GADL1: variants seen among roughly 807,000 people sequenced by gnomAD.
GADL1 encodes the protein acidic amino acid decarboxylase GADL1.
A neutral mutation model predicts 69.5 loss-of-function variants in GADL1; 71 were observed. The observed-to-expected ratio is 1.02, with a 90% CI of 0.84 to 1.25. GADL1 has a LOEUF of 1.25. Among genes scored for constraint, GADL1 ranks in the 50% most tolerant of loss-of-function variants. GADL1 has a pLI of 0.00. For synonymous variants in GADL1, 254 were observed against 214.4 expected (o/e 1.18, Z -1.62); for missense variants, 737 against 631.8 (o/e 1.17, Z -1.79).
intron 14 of GADL1, among the ~76,000 whole-genome samples, chr3:30,754,570 T>C (rs555164062): frequency 3.0e-4 from 45 of 152,170 alleles, no homozygotes; most frequent in Non-Finnish European, 5.9e-5. Context: ...ATTACCTCAA[T>C]GGCTAAATAT....
At chr3:30,755,994 C>T (rs1187074414) in intron 14 of GADL1, among the ~76,000 whole-genome samples, 1 of 152,060 alleles carries the variant, frequency 6.6e-6, no homozygotes, top group Admixed American at 6.5e-5. Context: ...CTTGATAGTT[C>T]ACACAGTCAC....
intron 14 of GADL1, among the ~76,000 whole-genome samples, chr3:30,774,425 A>G (rs985044442): frequency 6.6e-6 from 1 of 152,214 alleles, no homozygotes; most frequent in Non-Finnish European, 1.5e-5. Context: ...AAGCAAGGGA[A>G]AAATGATTTC....
chr3:30,868,719 A>G (rs764045930), intron 1 of GADL1, among the ~76,000 whole-genome samples: 6 of 151,956 alleles, frequency 3.9e-5, no homozygotes, highest in Non-Finnish European at 8.8e-5. Flanking sequence ...AGAAGTCATA[A>G]TTAGCAGTCT....
intron 12 of GADL1, among the ~76,000 whole-genome samples, chr3:30,792,175 C>A (rs1238651880): frequency 2.0e-5 from 3 of 152,304 alleles, no homozygotes; most frequent in African/African-American, 7.2e-5. Flanking sequence ...AAACTGTGAT[C>A]CGTGGTATAC....
intron 3 of GADL1, among the ~76,000 whole-genome samples, chr3:30,855,148 C>A (rs906063576): frequency 4.6e-5 from 7 of 151,908 alleles, no homozygotes; most frequent in Non-Finnish European, 1.0e-4. Flanking sequence ...ATAAATTATA[C>A]CTCATTCTAA....
At chr3:30,812,053 T>G (rs1449057113) in intron 11 of GADL1, among the ~76,000 whole-genome samples, 1 of 152,200 alleles carries the variant, frequency 6.6e-6, no homozygotes, top group Admixed American at 6.5e-5. Flanking sequence ...TCTGATAACA[T>G]AAACCAGGGT....
intron 1 of GADL1, among the ~76,000 whole-genome samples, chr3:30,866,378 G>T (rs1158974994): frequency 1.3e-5 from 2 of 152,038 alleles, no homozygotes; most frequent in Non-Finnish European, 2.9e-5. Flanking sequence ...AGAATCAGTT[G>T]AACCTGGGAG....
intron 6 of GADL1, among the ~76,000 whole-genome samples, chr3:30,848,253 G>A (rs1305961934): frequency 6.6e-6 from 1 of 152,106 alleles, no homozygotes; most frequent in Admixed American, 6.5e-5. Flanking sequence ...CAAGAGCCTC[G>A]AATGGCTGAG....
intron 14 of GADL1, among the ~76,000 whole-genome samples, chr3:30,769,823 C>T (rs1575195856): frequency 6.7e-6 from 1 of 149,780 alleles, no homozygotes; most frequent in South Asian, 2.1e-4. Context: ...ATCCCTCAGT[C>T]GATAGTGGGC....
chr3:30,786,039 C>T (rs1347095143), intron 13 of GADL1, among the ~76,000 whole-genome samples: 1 of 152,152 alleles, frequency 6.6e-6, no homozygotes, highest in African/African-American at 2.4e-5. Flanking sequence ...ACCACTACAT[C>T]ACAGATGAAT....
intron 1 of GADL1, among the ~76,000 whole-genome samples, chr3:30,885,971 G>A (rs555427081): frequency 1.3e-5 from 2 of 152,018 alleles, no homozygotes; most frequent in South Asian, 4.2e-4. Context: ...ACTATTGGCA[G>A]AGAAAAGAAA....
chr3:30,864,468 A>T (rs1698367070), intron 1 of GADL1, among the ~76,000 whole-genome samples: 1 of 152,028 alleles, frequency 6.6e-6, no homozygotes, highest in South Asian at 2.1e-4. Flanking sequence ...CACTGTCTTC[A>T]CACCAATGAA....
At chr3:30,795,591 A>G (rs931135005) in intron 12 of GADL1, among the ~76,000 whole-genome samples, 2 of 152,202 alleles carry the variant, frequency 1.3e-5, no homozygotes, top group Non-Finnish European at 2.9e-5. Context: ...AGACCCCAGA[A>G]TTGAGAAAAA....
chr3:30,894,641 C>T lies in GADL1; in HGVS notation c.-27G>A. 2 of 1,548,592 alleles carry T rather than the reference C, an allele frequency of 1.3e-6. No individual in the cohort carries two copies. The highest frequency in any genetic ancestry group is 1.4e-5 in the African/African-American group (1 of 73,032). Reference sequence around the variant, plus strand: ...TCCGCTCCCCCACTCCAGGCTGCCCCGGGCGCGGCTCCCGCAGTCTGGGCG... The same window carrying T: ...TCCGCTCCCCCACTCCAGGCTGCCCTGGGCGCGGCTCCCGCAGTCTGGGCG... On this transcript the variant is annotated 5_prime_UTR_variant, in exon 1 of 15. Transcript: ENST00000282538.
At chr3:30,741,050 T>A (rs1397292500) in intron 14 of GADL1, among the ~76,000 whole-genome samples, 1 of 118,552 alleles carries the variant, frequency 8.4e-6, no homozygotes, top group Non-Finnish European at 1.6e-5. Context: ...ATTTGATATA[T>A]CAGATATATA....
At chr3:30,859,020 C>T (rs944492494) in intron 2 of GADL1, among the ~76,000 whole-genome samples, 25 of 151,946 alleles carry the variant, frequency 1.6e-4, no homozygotes, top group African/African-American at 7.2e-5. Flanking sequence ...ATTAGATAGA[C>T]TTGAAGTGCT....
rs1157799 is a variant in GADL1 at position 30,778,273 on chromosome 3, G to C, written c.1303-5C>G. 3 of 1,569,594 alleles carry C rather than the reference G, an allele frequency of 1.9e-6. No homozygotes were observed. The highest frequency in any genetic ancestry group is 2.6e-6 in the Non-Finnish European group (3 of 1,143,708). ...GCAAATATTGGCATATTCAGGCTGA[G>C]AATTAGAAAAAATATAAAGTTGTTA... On this transcript the variant is annotated splice_region_variant and splice_polypyrimidine_tract_variant and intron_variant, in intron 13 of 14. Coordinates refer to ENST00000282538, the MANE Select transcript of GADL1 (RefSeq NM_207359.3).
rs539017132 is a variant in GADL1, at chr3:30,763,026, A to C, written c.1392+15153T>G. Among the ~76,000 whole-genome samples, 7 of 152,318 alleles carry C rather than the reference A, an allele frequency of 4.6e-5. No homozygotes were observed. In the South Asian group the frequency reaches 8.3e-4, roughly 18 times the overall value. ...TTAGCTATTGTAAACAGTGTGCTAC[A>C]ACAAACATGGGAGTGCAGTTATCTC... On this transcript the variant is annotated intron_variant, in intron 14 of 14. Transcript: ENST00000282538.
At chr3:30,783,694 G>A (rs1413856380) in intron 13 of GADL1, among the ~76,000 whole-genome samples, 1 of 152,110 alleles carries the variant, frequency 6.6e-6, no homozygotes, top group African/African-American at 2.4e-5. Flanking sequence ...CCTTACACCA[G>A]GAATTCTGGA....
Sources: gnomAD v4.1 joint callset for allele counts (sites outside exome capture counted in the v4.1 genomes callset) on GRCh38, gnomAD v4.1.1 for gene constraint, MANE v1.5 for transcripts, NCBI Gene and HGNC (gene_info 2026-07-23, HGNC 2026-07-21) for gene names.